SYNE1: variants seen among roughly 807,000 people sequenced by gnomAD.
SYNE1 encodes spectrin repeat containing nuclear envelope protein 1, also known as nesprin-1.
In SYNE1, 616 loss-of-function variants were observed where a neutral mutation model predicts 1,111.0. The ratio of observed to expected loss-of-function variants is 0.55; its 90% confidence interval spans 0.52 to 0.59. SYNE1 has a LOEUF of 0.59. SYNE1 is among the 20% of genes least tolerant of loss of function. SYNE1 has a pLI of 0.00. For synonymous variants in SYNE1, 3,855 were observed against 3,825.8 expected, an observed-to-expected ratio of 1.01 and a Z score of -0.28; for missense variants, 10,006 against 10,417.0, an observed-to-expected ratio of 0.96 and a Z score of 1.72.
intron 138 of SYNE1, among the ~76,000 whole-genome samples, chr6:152,142,031 A>G (rs1479332565): frequency 6.6e-6 from 1 of 152,106 alleles, no homozygotes; most frequent in African/African-American, 2.4e-5. Context: ...TAAGACCATG[A>G]CACCGCACTC....
intron 33 of SYNE1, chr6:152,435,575 C>T (rs1413770703): frequency 4.0e-6 from 1 of 250,570 alleles, no homozygotes; most frequent in Non-Finnish European, 7.6e-6. Flanking sequence ...AACAAAATAT[C>T]TCCTTTTCGC....
chr6:152,487,970 G>A (rs985139601), intron 12 of SYNE1, among the ~76,000 whole-genome samples: 1 of 151,990 alleles, frequency 6.6e-6, no homozygotes, highest in African/African-American at 2.4e-5. Context: ...AGCTACTCAG[G>A]AGGCTGAGGC....
chr6:152,377,632 AAAAAAAAAATATATATATAT>A (rs1184786781), intron 56 of SYNE1, among the ~76,000 whole-genome samples: 74 of 85,458 alleles, frequency 8.7e-4, no homozygotes, highest in African/African-American at 4.2e-3. Context: ...AAAAAAAAAA[AAAAAAAAAATATATATATAT>A]ATATATATAT....
intron 3 of SYNE1, among the ~76,000 whole-genome samples, chr6:152,626,308 C>G (rs1401391026): frequency 2.0e-5 from 3 of 152,072 alleles, no homozygotes; most frequent in African/African-American, 4.8e-5. Context: ...AGAGAATGTT[C>G]ACATCTAATA....
chr6:152,207,844 G>A (rs1286289071), intron 125 of SYNE1, 128 bp downstream of exon 125: 5 of 881,052 alleles, frequency 5.7e-6, no homozygotes, highest in Non-Finnish European at 7.5e-6. Context: ...TATTTCTGTT[G>A]ACATTTGAGA....
intron 66 of SYNE1, among the ~76,000 whole-genome samples, chr6:152,356,159 G>C (rs911611612): frequency 3.3e-5 from 5 of 151,634 alleles, no homozygotes; most frequent in Non-Finnish European, 7.4e-5. Context: ...GTGGGCCATA[G>C]GTCTCTGTTG....
chr6:152,231,680 C>A, intron 113 of SYNE1, 113 bp from the exon 114 acceptor site: 1 of 1,116,294 alleles, frequency 9.0e-7, no homozygotes, highest in Admixed American at 2.2e-5. Context: ...CATAACTCAG[C>A]TGAAATGGCA....
chr6:152,156,197 C>G (rs1423630454), intron 131 of SYNE1, 100 bp from the exon 132 acceptor site: 3 of 1,233,292 alleles, frequency 2.4e-6, no homozygotes, highest in Non-Finnish European at 3.5e-6. Flanking sequence ...TACACCTTGA[C>G]AAATATTTAA....
chr6:152,353,117 C>T (rs2096770748), intron 69 of SYNE1, 146 bp downstream of exon 69: 1 of 1,132,698 alleles, frequency 8.8e-7, no homozygotes, highest in Non-Finnish European at 1.3e-6. Context: ...AAGGAGCCAA[C>T]TTAGTATTTC....
intron 4 of SYNE1, among the ~76,000 whole-genome samples, chr6:152,526,457 G>A (rs1242972938): frequency 6.6e-6 from 1 of 152,158 alleles, no homozygotes; most frequent in African/African-American, 2.4e-5. Context: ...TTTTTGACAA[G>A]GGCAGGATGG....
rs569219455 is a variant in SYNE1 at position 152,132,828 on chromosome 6, GA to G, written c.26001+447del. ...TAATACCACAATGGAGTTGATTGTAGAAAAAAAAATATAAAAAATTAAATGA... is the reference window on the plus strand; with the variant it reads ...TAATACCACAATGGAGTTGATTGTAGAAAAAAAATATAAAAAATTAAATGA... On this transcript the variant is annotated intron_variant, in intron 143 of 145. Transcript: ENST00000367255. 4.8e-3 allele frequency among the ~76,000 whole-genome samples: 697 copies of G among 144,622 alleles called. 4 individuals carry two copies. Among genetic ancestry groups the G allele is most frequent in the African/African-American group, 0.014 (569 of 39,560 alleles). The allele number at this position is 144,622 out of a possible 152,430, so 94.9% of individuals were successfully genotyped here.
At chr6:152,215,092 C>A in intron 121 of SYNE1, 32 bp from the exon 122 acceptor site, 1 of 1,612,828 alleles carries the variant, frequency 6.2e-7, no homozygotes, top group South Asian at 1.1e-5. Context: ...AGGTTTAGCA[C>A]CATGGTCAAA....
At position 152,122,781 on chromosome 6, in the gene SYNE1, A is replaced by G. The variant is rs1047104352; in HGVS notation, c.26154-105T>C. 4 of 1,560,230 alleles carry G rather than the reference A, an allele frequency of 2.6e-6. No homozygotes were observed. The African/African-American group carries it at 4.1e-5, about 16-fold the overall frequency. On this transcript the variant is annotated intron_variant, in intron 145 of 145. Coordinates refer to ENST00000367255, the MANE Select transcript of SYNE1 (RefSeq NM_182961.4). Reference sequence around the variant, plus strand: ...GAAGCTAAAGGGCCATGCCAAGCACACCCCAGCCTGGCGATCAGCTGCCAG... The same window carrying G: ...GAAGCTAAAGGGCCATGCCAAGCACGCCCCAGCCTGGCGATCAGCTGCCAG...
At chr6:152,377,025 C>T (rs1591454873) in intron 56 of SYNE1, 113 bp from the exon 57 acceptor site, 2 of 1,328,656 alleles carry the variant, frequency 1.5e-6, no homozygotes, top group South Asian at 1.2e-5. Context: ...GAAGAACCAA[C>T]ATGGTAGATT....
Position 152,262,157 on chromosome 6 carries a change from C to T in SYNE1, c.18847G>A (p.Gly6283Arg). 6.2e-7 allele frequency: 1 copy of T among 1,613,820 alleles called. No individual in the cohort carries two copies. Among genetic ancestry groups the T allele is most frequent in the Non-Finnish European group, 8.5e-7 (1 of 1,179,946 alleles). ...GCGGATGATTTCTCCCCTTCCATCCCCAACTCCTGGGATAACACATCAGGT... is the reference window on the plus strand; with the variant it reads ...GCGGATGATTTCTCCCCTTCCATCCTCAACTCCTGGGATAACACATCAGGT... ...EKPDVLSQEL[G>R]MEGEKSSAED... Residue 6283 changes from glycine (G) to arginine (R), a missense_variant, in exon 101 of 146, where the codon GGG becomes AGG. Gly to Arg is a moderately radical substitution (Grantham distance 125, BLOSUM62 -2). Transcript: ENST00000367255.
chr6:152,567,387 G>A lies in SYNE1; in HGVS notation c.68-27366C>T, dbSNP rs117466726. Among the ~76,000 whole-genome samples the A allele has an allele frequency of 4.8e-3, 731 of 151,946 alleles. 6 individuals carry two copies. The highest frequency in any genetic ancestry group is 0.014 in the African/African-American group (575 of 41,378). Reference sequence around the variant, plus strand: ...TTCCCATTATAATATAAAACTGTACGTTATTTTGTTTTCCTAACCTACACA... The same window carrying A: ...TTCCCATTATAATATAAAACTGTACATTATTTTGTTTTCCTAACCTACACA... On this transcript the variant is annotated intron_variant, in intron 3 of 145. Transcript: ENST00000367255.
rs554786432 is a variant in SYNE1 at position 152,608,653 on chromosome 6, G to A, written c.67+19612C>T. ...TACTTGTCTTTAAAAATTGGAGTTA[G>A]GGCAGGGCACAGTGGCTCACGCCTA... is the stretch of plus-strand genomic sequence containing the variant. On this transcript the variant is annotated intron_variant, in intron 3 of 145. Coordinates refer to ENST00000367255, the MANE Select transcript of SYNE1 (RefSeq NM_182961.4). Among the ~76,000 whole-genome samples the A allele has an allele frequency of 2.0e-5, 3 of 152,190 alleles. No homozygotes were observed. The South Asian group carries it at 6.2e-4, about 32-fold the overall frequency.
At chr6:152,591,950 C>T (rs922041278) in intron 3 of SYNE1, among the ~76,000 whole-genome samples, 1 of 151,968 alleles carries the variant, frequency 6.6e-6, no homozygotes, top group Non-Finnish European at 1.5e-5. Flanking sequence ...CAGAAAAATG[C>T]AAATCAAAAG....
At chr6:152,462,584 A>G in intron 20 of SYNE1, 154 bp downstream of exon 20, 2 of 776,072 alleles carry the variant, frequency 2.6e-6, no homozygotes, top group Admixed American at 2.4e-5. Flanking sequence ...TGTTCAATAC[A>G]TTTTTTTCTG....
Sources: gnomAD v4.1 joint callset for allele counts (sites outside exome capture counted in the v4.1 genomes callset) on GRCh38, gnomAD v4.1.1 for gene constraint, MANE v1.5 for transcripts, NCBI Gene and HGNC (gene_info 2026-07-23, HGNC 2026-07-21) for gene names.